The following SOX5 variants were observed in gnomAD, a reference collection of about 807,000 sequenced individuals.
SOX5 encodes SRY-box transcription factor 5.
A neutral mutation model predicts 92.0 loss-of-function variants in SOX5; 9 were observed. That is an observed-to-expected ratio of 0.10 (90% confidence interval 0.06 to 0.17). The LOEUF is 0.17. SOX5 is among the 10% of genes least tolerant of loss of function. SOX5 has a pLI of 1.00. For synonymous variants in SOX5, 344 were observed against 336.3 expected (o/e 1.02, Z -0.25); for missense variants, 642 against 944.5 (o/e 0.68, Z 4.20).
intron 4 of SOX5, among the ~76,000 whole-genome samples, chr12:24,182,412 A>G (rs1050588353): frequency 6.6e-6 from 1 of 152,236 alleles, no homozygotes; most frequent in Non-Finnish European, 1.5e-5. Flanking sequence ...ACATATTTCA[A>G]GATCAAAGCT....
chr12:24,394,549 G>C (rs1959367428), intron 1 of SOX5, among the ~76,000 whole-genome samples: 1 of 152,142 alleles, frequency 6.6e-6, no homozygotes, highest in Non-Finnish European at 1.5e-5. Flanking sequence ...GACAGATGTG[G>C]TGATTTCCAC....
intron 4 of SOX5, among the ~76,000 whole-genome samples, chr12:23,997,188 T>C (rs962692417): frequency 1.3e-5 from 2 of 152,148 alleles, no homozygotes; most frequent in Non-Finnish European, 2.9e-5. Context: ...GTCTGTGGCA[T>C]TGCATCCTTG....
chr12:23,538,339 A>G (rs1941080204), intron 13 of SOX5, among the ~76,000 whole-genome samples: 1 of 152,242 alleles, frequency 6.6e-6, no homozygotes. Context: ...TTCCAAATCT[A>G]GAAAGCCAAT....
intron 3 of SOX5, among the ~76,000 whole-genome samples, chr12:23,831,957 T>TACACACAC (rs61053165): frequency 0.12 from 17,670 of 142,694 alleles, 1,522 homozygotes; most frequent in East Asian, 0.43. Flanking sequence ...AAAGGGGAAC[T>TACACACAC]ACACACACAC....
intron 1 of SOX5, among the ~76,000 whole-genome samples, chr12:24,416,831 C>G (rs1596434422): frequency 6.6e-6 from 1 of 152,266 alleles, no homozygotes; most frequent in African/African-American, 2.4e-5. Context: ...GGGCATGTTC[C>G]TTAGTCTCTA....
chr12:23,834,644 G>C (rs758766242), intron 3 of SOX5, among the ~76,000 whole-genome samples: 2 of 151,892 alleles, frequency 1.3e-5, no homozygotes, highest in Non-Finnish European at 2.9e-5. Flanking sequence ...TCAAAAGTAA[G>C]GAGTTTAACA....
intron 4 of SOX5, among the ~76,000 whole-genome samples, chr12:24,193,646 T>C (rs1956737744): frequency 6.6e-6 from 1 of 152,220 alleles, no homozygotes; most frequent in Admixed American, 6.5e-5. Context: ...GTAATGAATT[T>C]GTACATATCA....
At chr12:23,801,381 A>G (rs1338840026) in intron 3 of SOX5, among the ~76,000 whole-genome samples, 1 of 151,976 alleles carries the variant, frequency 6.6e-6, no homozygotes, top group Admixed American at 6.6e-5. Context: ...ACCCATTTAA[A>G]CCTGCAGTTT....
intron 2 of SOX5, among the ~76,000 whole-genome samples, chr12:23,854,944 A>G (rs1454716313): frequency 6.6e-6 from 1 of 152,140 alleles, no homozygotes; most frequent in Non-Finnish European, 1.5e-5. Context: ...TATAAAATTC[A>G]TAAAATGGCA....
rs559466928 is a variant in SOX5 at position 23,724,584 on chromosome 12, A to C, written c.810+10100T>G. On this transcript the variant is annotated intron_variant, in intron 6 of 14. Transcript: ENST00000451604. Reference sequence around the variant, plus strand: ...TAATTTAACCTTATTTGCTACTGTAACTACTAATCTTTAAGACAGGAGATT... The same window carrying C: ...TAATTTAACCTTATTTGCTACTGTACCTACTAATCTTTAAGACAGGAGATT... 6.6e-5 allele frequency among the ~76,000 whole-genome samples: 10 copies of C among 152,302 alleles called. No homozygotes were observed. In the South Asian group the frequency reaches 1.9e-3, roughly 28 times the overall value.
At chr12:24,360,277 T>A (rs749648276) in intron 2 of SOX5, among the ~76,000 whole-genome samples, 4 of 152,178 alleles carry the variant, frequency 2.6e-5, no homozygotes, top group African/African-American at 4.8e-5. Context: ...CAGAGAAAAA[T>A]ATCTGTAAAG....
chr12:23,760,847 A>G (rs1371264455), intron 3 of SOX5, among the ~76,000 whole-genome samples: 2 of 152,136 alleles, frequency 1.3e-5, no homozygotes, highest in Non-Finnish European at 1.5e-5. Context: ...TTTACACACA[A>G]GCTCAGGTAT....
intron 4 of SOX5, among the ~76,000 whole-genome samples, chr12:24,021,667 C>T (rs1010534571): frequency 8.5e-5 from 13 of 152,124 alleles, no homozygotes; most frequent in Non-Finnish European, 1.5e-4. Flanking sequence ...GGAATCAGCA[C>T]GGTATCTTAC....
chr12:23,907,766 G>A (rs1051109345), intron 1 of SOX5, among the ~76,000 whole-genome samples: 2 of 151,614 alleles, frequency 1.3e-5, no homozygotes, highest in African/African-American at 2.4e-5. Context: ...AAAATGTTTC[G>A]AGTAGGAAAG....
chr12:24,057,327 A>C (rs530893656), intron 4 of SOX5, among the ~76,000 whole-genome samples: 130 of 152,314 alleles, frequency 8.5e-4, no homozygotes, highest in African/African-American at 3.1e-3. Flanking sequence ...GGGTAATTAC[A>C]TTGTGAACAA....
intron 4 of SOX5, among the ~76,000 whole-genome samples, chr12:24,162,626 G>A (rs1952887386): frequency 6.6e-6 from 1 of 152,124 alleles, no homozygotes; most frequent in South Asian, 2.1e-4. Context: ...TCAGGGCAGA[G>A]CCACGATCGT....
chr12:24,334,056 G>A (rs1374126909), intron 2 of SOX5, among the ~76,000 whole-genome samples: 3 of 150,626 alleles, frequency 2.0e-5, no homozygotes, highest in Admixed American at 6.6e-5. Context: ...AATGAATTGG[G>A]GAATACAGTT....
chr12:24,245,359 A>G (rs146913722), intron 3 of SOX5, among the ~76,000 whole-genome samples: 3 of 35,226 alleles, frequency 8.5e-5, no homozygotes, highest in Non-Finnish European at 1.5e-4. Context: ...TGAATGAGTT[A>G]ATAAATTAAT....
chr12:24,348,938 A>G (rs952216340), intron 2 of SOX5, among the ~76,000 whole-genome samples: 4 of 152,136 alleles, frequency 2.6e-5, no homozygotes, highest in African/African-American at 9.7e-5. Flanking sequence ...TTCACCTTCC[A>G]CCATGACTGT....
Sources: gnomAD v4.1 joint callset for allele counts (sites outside exome capture counted in the v4.1 genomes callset) on GRCh38, gnomAD v4.1.1 for gene constraint, MANE v1.5 for transcripts, NCBI Gene and HGNC (gene_info 2026-07-23, HGNC 2026-07-21) for gene names.